The following GTPBP1 variants were observed in gnomAD, a reference collection of about 807,000 sequenced individuals.
GTPBP1 encodes GTP-binding protein 1.
Under a neutral mutation model 62.0 loss-of-function variants are expected in GTPBP1, and 23 were observed. The ratio of observed to expected loss-of-function variants is 0.37; its 90% CI spans 0.27 to 0.53. GTPBP1 has a LOEUF of 0.53. Ranked by LOEUF, GTPBP1 falls within the 20% of genes least tolerant of loss-of-function variation. The pLI is 0.89. For synonymous variants in GTPBP1, 344 were observed against 364.4 expected (o/e 0.94, Z 0.64); for missense variants, 640 against 917.3 (o/e 0.70, Z 3.90).
chr22:38,736,133 T>C, downstream of GTPBP1: 1 of 882,406 alleles, frequency 1.1e-6, no homozygotes, highest in Non-Finnish European at 1.9e-6. Context: ...TGCCCGTCCT[T>C]TTCATCTGCA....
In GTPBP1 at chr22:38,730,277, T is replaced by C. The variant is rs996426687; in HGVS notation, c.1918-335T>C. On this transcript the variant is annotated intron_variant, in intron 11 of 11. Coordinates refer to ENST00000216044, the MANE Select transcript of GTPBP1 (RefSeq NM_004286.5). This position sits in a 1 kb window ranked among gnomAD's most constrained non-coding sequence, Gnocchi z 5.6. ...CTGGATCTGTCTGTCCATTCTGTTA[T>C]CTGTCTCCCATGGGTCTTTCCTCTG... is the stretch of plus-strand genomic sequence containing the variant. Among the ~76,000 whole-genome samples the C allele has an allele frequency of 1.3e-5, 2 of 152,242 alleles. No homozygotes were observed. Among genetic ancestry groups the C allele is most frequent in the African/African-American group, 4.8e-5 (2 of 41,466 alleles).
intron 2 of GTPBP1, among the ~76,000 whole-genome samples, chr22:38,714,082 G>A (rs1356288186): frequency 1.3e-5 from 2 of 152,214 alleles, no homozygotes; most frequent in African/African-American, 2.4e-5. Context: ...CAGGTGATGC[G>A]TGAGCAGGGT....
intron 2 of GTPBP1, among the ~76,000 whole-genome samples, chr22:38,709,270 C>T (rs1351986479): frequency 6.6e-6 from 1 of 151,528 alleles, no homozygotes; most frequent in African/African-American, 2.4e-5. Flanking sequence ...CCAGCCTAGG[C>T]GACAAGAGTG....
intron 1 of GTPBP1, chr22:38,706,422 T>A: frequency 3.5e-6 from 1 of 288,782 alleles, no homozygotes; most frequent in Non-Finnish European, 6.4e-6. Flanking sequence ...CCCTCGGCTC[T>A]GCCACGTGGA....
downstream of GTPBP1, chr22:38,739,671 C>T (rs376290924): frequency 3.5e-5 from 55 of 1,589,248 alleles, no homozygotes; most frequent in African/African-American, 7.1e-4. The surrounding 1 kb of genome is among the most constrained non-coding windows in gnomAD (Gnocchi z 6.7). Flanking sequence ...CCAGGGCTCC[C>T]AGGGAGGAGA....
chr22:38,714,165 G>A (rs537014761), intron 2 of GTPBP1, among the ~76,000 whole-genome samples: 1 of 152,312 alleles, frequency 6.6e-6, no homozygotes, highest in Middle Eastern at 3.4e-3. Flanking sequence ...CAAGAAGAGG[G>A]CATTAGAGAG....
chr22:38,706,193 G>A (rs1177119069), intron 1 of GTPBP1, 46 bp downstream of exon 1: 2 of 1,170,522 alleles, frequency 1.7e-6, no homozygotes, highest in East Asian at 6.6e-5. Flanking sequence ...GCGGGCGGCT[G>A]GCCGAGCAGT....
chr22:38,737,888 C>T, downstream of GTPBP1: 1 of 630,282 alleles, frequency 1.6e-6, no homozygotes. The surrounding 1 kb of genome is among the most constrained non-coding windows in gnomAD (Gnocchi z 4.1). Context: ...CCTCTCCCGG[C>T]CTTCCTTTCC....
intron 4 of GTPBP1, 34 bp from the exon 5 acceptor site, chr22:38,721,708 C>T: frequency 6.3e-7 from 1 of 1,596,114 alleles, no homozygotes; most frequent in South Asian, 1.1e-5. Flanking sequence ...CTCTTTCTCT[C>T]TCGTCCTGAC....
At chr22:38,707,972 TGGTGGCTA>T (rs373610584) in intron 1 of GTPBP1, among the ~76,000 whole-genome samples, 79 of 152,264 alleles carry the variant, frequency 5.2e-4, no homozygotes, top group African/African-American at 1.9e-3. Flanking sequence ...TAGTGAATAG[TGGTGGCTA>T]GTTTCATCCA....
At chr22:38,741,599 T>G, downstream of GTPBP1, 2 of 1,607,728 alleles carry the variant, frequency 1.2e-6, no homozygotes, top group Non-Finnish European at 1.7e-6. Flanking sequence ...GAGGACAGGT[T>G]GGACAGAGCC....
intron 5 of GTPBP1, 58 bp downstream of exon 5, chr22:38,721,923 C>T: frequency 7.3e-7 from 1 of 1,366,208 alleles, no homozygotes; most frequent in East Asian, 2.5e-5. Flanking sequence ...ACCTGCTGTG[C>T]CTTCAGGTGG....
Position 38,726,967 on chromosome 22 carries a change from C to T in GTPBP1, c.1402-246C>T, listed in dbSNP as rs932255173. Among the ~76,000 whole-genome samples the T allele has an allele frequency of 2.6e-5, 4 of 152,132 alleles. No homozygotes were observed. The highest frequency in any genetic ancestry group is 4.4e-5 in the Non-Finnish European group (3 of 68,014). On this transcript the variant is annotated intron_variant, in intron 8 of 11. Transcript: ENST00000216044. This position sits in a 1 kb window ranked among gnomAD's most constrained non-coding sequence, Gnocchi z 4.1. Reference sequence around the variant, plus strand: ...TGCTTCCTCATGCGTCCTTCATGGCCGAGCAGCTGAAGTGCTGATTCCCGC... The same window carrying T: ...TGCTTCCTCATGCGTCCTTCATGGCTGAGCAGCTGAAGTGCTGATTCCCGC...
In GTPBP1 at chr22:38,729,617, T is replaced by C. The variant is rs2092745860; in HGVS notation, c.1872T>C (p.Ser624=). 1 of 1,542,832 alleles carries C rather than the reference T, an allele frequency of 6.5e-7. No individual in the cohort carries two copies. The highest frequency in any genetic ancestry group is 1.4e-5 in the African/African-American group (1 of 71,688). Residue 624 remains serine (S), a synonymous_variant, in exon 11 of 12, where the codon TCT becomes TCC. Transcript: ENST00000216044. ...CCCCACCTGGAGATGAAGCCTCCTC[T>C]GTAGGGGCAGGGCAACCAGCTGCGT... is the stretch of plus-strand genomic sequence containing the variant. ...GAPPPGDEAS[S]VGAGQPAASS... is the part of the protein sequence containing the mutation.
chr22:38,734,419 G>A, downstream of GTPBP1: 1 of 392,748 alleles, frequency 2.5e-6, no homozygotes, highest in South Asian at 1.9e-5. Flanking sequence ...TTTTTCTGCT[G>A]CTGTTCAGTG....
chr22:38,740,438 C>A, downstream of GTPBP1: 1 of 1,486,188 alleles, frequency 6.7e-7, no homozygotes, highest in Non-Finnish European at 9.0e-7. This position sits in a 1 kb window ranked among gnomAD's most constrained non-coding sequence, Gnocchi z 4.8. Flanking sequence ...TCATGCTGGT[C>A]CCAGAGAGAG....
chr22:38,717,933 G>A (rs543932047), intron 4 of GTPBP1, among the ~76,000 whole-genome samples: 5 of 152,204 alleles, frequency 3.3e-5, no homozygotes, highest in African/African-American at 4.8e-5. Flanking sequence ...CCCATTTCTC[G>A]ATTCCTTCAG....
At chr22:38,735,347 C>T (rs1186546580), downstream of GTPBP1, 1 of 413,838 alleles carries the variant, frequency 2.4e-6, no homozygotes, top group Admixed American at 2.9e-5. Flanking sequence ...GACCTCGCAC[C>T]CCGATACCCT....
In GTPBP1 at chr22:38,714,729, G is replaced by A. The variant is rs990475209; in HGVS notation, c.305-1178G>A. On this transcript the variant is annotated intron_variant, in intron 2 of 11. Coordinates refer to ENST00000216044, the MANE Select transcript of GTPBP1 (RefSeq NM_004286.5). ...TTGGAGTGGGAGGAAGAGAAGAAGA[G>A]ACAAGGAGAATATTTGGTGCGGGGG... is the stretch of plus-strand genomic sequence containing the variant. Among the ~76,000 whole-genome samples the A allele has an allele frequency of 5.9e-5, 9 of 152,068 alleles. No individual in the cohort carries two copies. The South Asian group carries it at 1.2e-3, about 21-fold the overall frequency.
Sources: gnomAD v4.1 joint callset for allele counts (sites outside exome capture counted in the v4.1 genomes callset) on GRCh38, gnomAD v4.1.1 for gene constraint, Gnocchi (gnomAD v3.1) non-coding constraint, MANE v1.5 for transcripts, NCBI Gene and HGNC (gene_info 2026-07-23, HGNC 2026-07-21) for gene names.